The following JARID2 variants were observed in gnomAD, a reference collection of about 807,000 sequenced individuals.
JARID2 encodes the protein jumonji and AT-rich interaction domain containing 2, also known as protein Jumonji.
In JARID2, 21 loss-of-function variants were observed where a neutral mutation model predicts 125.6. The ratio of observed to expected loss-of-function variants is 0.17; its 90% CI spans 0.12 to 0.24. The LOEUF (loss-of-function observed/expected upper bound fraction) is 0.24. Ranked by LOEUF, JARID2 falls within the 10% of genes least tolerant of loss-of-function variation. The pLI is 1.00. For synonymous variants in JARID2, 736 were observed against 661.6 expected, an observed-to-expected ratio of 1.11 and a Z score of -1.73; for missense variants, 1,303 against 1,639.6, an observed-to-expected ratio of 0.79 and a Z score of 3.55.
At chr6:15,401,154 CTATATATATA>C in intron 2 of JARID2, 11 of 807,420 alleles carry the variant, frequency 1.4e-5, no homozygotes, top group Non-Finnish European at 1.8e-5. Flanking sequence ...TGGCAAGGTG[CTATATATATA>C]TATATATATG....
chr6:15,327,544 T>C (rs990289775), intron 1 of JARID2, among the ~76,000 whole-genome samples: 4 of 151,250 alleles, frequency 2.6e-5, no homozygotes, highest in South Asian at 2.1e-4. Context: ...TGTGTGTGTG[T>C]GTGTGTGCGC....
At chr6:15,400,321 T>C (rs182507034) in intron 2 of JARID2, among the ~76,000 whole-genome samples, 28 of 152,142 alleles carry the variant, frequency 1.8e-4, no homozygotes, top group African/African-American at 6.7e-4. Flanking sequence ...GAGGAGCATG[T>C]GGAAAGAGAT....
chr6:15,339,777 TGCCCTCGTCG>T (rs1055159724), intron 1 of JARID2, among the ~76,000 whole-genome samples: 3 of 152,084 alleles, frequency 2.0e-5, no homozygotes, highest in African/African-American at 4.8e-5. Flanking sequence ...TCAGGTGATG[TGCCCTCGTCG>T]GCCTCCCAAA....
intron 1 of JARID2, among the ~76,000 whole-genome samples, chr6:15,357,122 C>T (rs1032200923): frequency 6.6e-6 from 1 of 152,198 alleles, no homozygotes; most frequent in African/African-American, 2.4e-5. Context: ...CTCTAGGGAA[C>T]GAAGCCTTAC....
At chr6:15,304,791 G>GT (rs1400294923) in intron 1 of JARID2, among the ~76,000 whole-genome samples, 1 of 152,148 alleles carries the variant, frequency 6.6e-6, no homozygotes, top group East Asian at 1.9e-4. Flanking sequence ...AGCATTTTCT[G>GT]TTTTTCCTGG....
chr6:15,248,489 G>A (rs1446921829), intron 1 of JARID2: 1 of 145,920 alleles, frequency 6.9e-6, no homozygotes, highest in African/African-American at 2.5e-5. Context: ...GCGGCGCACA[G>A]CTGCAGCGGG....
chr6:15,293,357 G>A (rs992896076), intron 1 of JARID2, among the ~76,000 whole-genome samples: 2 of 152,188 alleles, frequency 1.3e-5, no homozygotes, highest in African/African-American at 4.8e-5. Flanking sequence ...GGAGCTTGCG[G>A]TGAGCTGAGA....
intron 3 of JARID2, among the ~76,000 whole-genome samples, chr6:15,433,919 A>G (rs963088383): frequency 2.9e-5 from 3 of 105,256 alleles, no homozygotes; most frequent in African/African-American, 1.1e-4. Context: ...CTCACTCTCC[A>G]GGGTGTGTGT....
chr6:15,467,460 A>G (rs747147920), intron 4 of JARID2, among the ~76,000 whole-genome samples: 23 of 151,682 alleles, frequency 1.5e-4, no homozygotes, highest in Non-Finnish European at 2.6e-4. Context: ...GGTTCCAAAC[A>G]ACGTACAAAT....
At chr6:15,501,774 G>T (rs142143992) in intron 8 of JARID2, among the ~76,000 whole-genome samples, 2 of 152,222 alleles carry the variant, frequency 1.3e-5, no homozygotes, top group East Asian at 1.9e-4. Flanking sequence ...CTAGGGCCTC[G>T]GGTTTCCTTT....
At chr6:15,489,390 T>C (rs1770037096) in intron 6 of JARID2, among the ~76,000 whole-genome samples, 1 of 152,206 alleles carries the variant, frequency 6.6e-6, no homozygotes, top group Non-Finnish European at 1.5e-5. Flanking sequence ...GTCATGTACA[T>C]GTGACTGTTC....
intron 2 of JARID2, among the ~76,000 whole-genome samples, chr6:15,406,652 A>C (rs1035828578): frequency 6.6e-6 from 1 of 152,204 alleles, no homozygotes. Context: ...CTTTTTGCTC[A>C]GTCATGCCTT....
intron 2 of JARID2, among the ~76,000 whole-genome samples, chr6:15,396,095 A>G (rs910923673): frequency 6.6e-6 from 1 of 152,230 alleles, no homozygotes; most frequent in Non-Finnish European, 1.5e-5. Context: ...AAGGTTGATC[A>G]TGTTGTTTGA....
At position 15,504,547 on chromosome 6, in the gene JARID2, C is replaced by T. The variant is rs750049736; in HGVS notation, c.2496C>T (p.Ile832=). 2 of 1,614,094 alleles carry T rather than the reference C, an allele frequency of 1.2e-6. No individual in the cohort carries two copies. Among genetic ancestry groups the T allele is most frequent in the Admixed American group, 1.7e-5 (1 of 60,014 alleles). The change falls in exon 9 of 18, where the codon ATC becomes ATT. Residue 832 remains isoleucine (I), a synonymous_variant. Transcript: ENST00000341776. ...LTTFYRTARN[I]MSMCFSKEPA... The stretch of plus-strand genomic sequence containing the variant: ...CTTTTTATCGAACAGCGAGGAATAT[C>T]ATGAGCATGTGTTTCAGCAAGGAGC...
intron 5 of JARID2, among the ~76,000 whole-genome samples, chr6:15,479,868 C>G (rs1184341314): frequency 1.3e-5 from 2 of 152,192 alleles, no homozygotes; most frequent in Non-Finnish European, 2.9e-5. Context: ...GGTTACAGCA[C>G]TCACACATGC....
chr6:15,392,131 A>ACTTT (rs1282076776), intron 2 of JARID2, among the ~76,000 whole-genome samples: 1 of 151,274 alleles, frequency 6.6e-6, no homozygotes, highest in Non-Finnish European at 1.5e-5. Flanking sequence ...TTTTAGTGCC[A>ACTTT]CTTTGTCCAG....
chr6:15,507,497 T>C, intron 11 of JARID2, 81 bp downstream of exon 11: 1 of 1,163,906 alleles, frequency 8.6e-7, no homozygotes. Flanking sequence ...GGGAAATCCC[T>C]TCTAAGCACT....
intron 4 of JARID2, 109 bp from the exon 5 acceptor site, chr6:15,468,433 G>C (rs886740857): frequency 2.9e-5 from 27 of 922,282 alleles, no homozygotes; most frequent in African/African-American, 8.3e-5. Flanking sequence ...TGGCAGTAGA[G>C]ATCAGTTGCT....
intron 7 of JARID2, 124 bp downstream of exon 7, chr6:15,497,294 G>A: frequency 1.3e-6 from 1 of 754,612 alleles, no homozygotes; most frequent in Non-Finnish European, 2.1e-6. Flanking sequence ...CCTGTCTCGG[G>A]AGTAGTGGGC....
Sources: allele counts gnomAD v4.1 joint callset (sites outside exome capture counted in the v4.1 genomes callset), GRCh38; gene constraint gnomAD v4.1.1; transcripts MANE v1.5; gene names NCBI Gene and HGNC (gene_info 2026-07-23, HGNC 2026-07-21).